The following TACR3 variants were observed in gnomAD, a reference collection of about 807,000 sequenced individuals.
TACR3 encodes the protein tachykinin receptor 3, also known as neuromedin-K receptor.
In TACR3, 34 loss-of-function variants were observed where a neutral mutation model predicts 35.0. The ratio of observed to expected loss-of-function variants is 0.97; its 90% CI spans 0.74 to 1.30. The LOEUF is 1.30. Ranked by LOEUF, TACR3 falls within the 50% of genes most tolerant of loss-of-function variation. TACR3 has a pLI of 0.00. For missense variants in TACR3, 558 were observed against 591.7 expected, an observed-to-expected ratio of 0.94 and a Z score of 0.59; for synonymous variants, 233 against 221.1, an observed-to-expected ratio of 1.05 and a Z score of -0.48.
In TACR3 at chr4:103,631,119, T is replaced by C. The variant is rs575536413; in HGVS notation, c.888+25075A>G. ...GCATGTTCTCACTCATAGGTGGGAA[T>C]TGAACGATGAGAACACTGGGACACA... On this transcript the variant is annotated intron_variant, in intron 3 of 4. Transcript: ENST00000304883. 1.2e-4 allele frequency among the ~76,000 whole-genome samples: 18 copies of C among 152,090 alleles called. No homozygotes were observed. In the South Asian group the frequency reaches 2.7e-3, roughly 23 times the overall value.
intron 1 of TACR3, among the ~76,000 whole-genome samples, chr4:103,691,682 G>A (rs184601789): frequency 4.1e-4 from 63 of 152,250 alleles, no homozygotes; most frequent in Non-Finnish European, 7.4e-4. Flanking sequence ...TGCCCAAGCT[G>A]GAAGGTTGTG....
At chr4:103,687,736 T>G (rs998784958) in intron 1 of TACR3, among the ~76,000 whole-genome samples, 10 of 152,000 alleles carry the variant, frequency 6.6e-5, no homozygotes, top group Non-Finnish European at 1.2e-4. Context: ...CACTCCTCAA[T>G]GAAATAAAAG....
chr4:103,663,909 T>C (rs530127263), intron 1 of TACR3, among the ~76,000 whole-genome samples: 18 of 152,328 alleles, frequency 1.2e-4, no homozygotes, highest in African/African-American at 3.6e-4. Context: ...TGTCAGTGCT[T>C]TATTGCTTTA....
At chr4:103,688,383 C>A (rs1234406645) in intron 1 of TACR3, among the ~76,000 whole-genome samples, 30 of 151,904 alleles carry the variant, frequency 2.0e-4, no homozygotes, top group African/African-American at 5.3e-4. Flanking sequence ...GCAACAAAAG[C>A]CAAAATTGAC....
intron 4 of TACR3, 130 bp from the exon 5 acceptor site, chr4:103,590,124 C>A: frequency 9.2e-7 from 1 of 1,081,084 alleles, no homozygotes; most frequent in Non-Finnish European, 1.4e-6. Flanking sequence ...TAGCCAGACT[C>A]TTAGAATTTA....
chr4:103,711,129 C>T (rs997508111), intron 1 of TACR3, among the ~76,000 whole-genome samples: 9 of 152,188 alleles, frequency 5.9e-5, no homozygotes, highest in African/African-American at 2.2e-4. Context: ...GGAATGCTCT[C>T]TAACTCATTT....
At chr4:103,613,248 G>C (rs548754601) in intron 3 of TACR3, among the ~76,000 whole-genome samples, 2 of 152,178 alleles carry the variant, frequency 1.3e-5, no homozygotes, top group Non-Finnish European at 2.9e-5. Flanking sequence ...AAGAATTCTA[G>C]TCCCAACCTT....
chr4:103,623,369 T>G (rs1724825903), intron 3 of TACR3, among the ~76,000 whole-genome samples: 1 of 152,102 alleles, frequency 6.6e-6, no homozygotes, highest in African/African-American at 2.4e-5. Context: ...ATAGACACCC[T>G]GGGATTTTTC....
chr4:103,597,600 C>T (rs1724065014), intron 3 of TACR3, among the ~76,000 whole-genome samples: 1 of 151,932 alleles, frequency 6.6e-6, no homozygotes. Flanking sequence ...GCTATCCCTC[C>T]CCCGTCCCCC....
chr4:103,690,446 CA>C (rs1560533021), intron 1 of TACR3, among the ~76,000 whole-genome samples: 1 of 152,030 alleles, frequency 6.6e-6, no homozygotes, highest in Non-Finnish European at 1.5e-5. Flanking sequence ...GATACAGACA[CA>C]AACATATATG....
At position 103,637,940 on chromosome 4, in the gene TACR3, G is replaced by T. The variant is rs548075014; in HGVS notation, c.888+18254C>A. On this transcript the variant is annotated intron_variant, in intron 3 of 4. Coordinates refer to ENST00000304883, the MANE Select transcript of TACR3 (RefSeq NM_001059.3). ...ACCACTGCTCAATGAAATAAAAGGG[G>T]GATACAAACAAATGGAAGAATATTC... Among the ~76,000 whole-genome samples the T allele has an allele frequency of 3.3e-5, 5 of 152,008 alleles. No homozygotes were observed. The South Asian group carries it at 8.3e-4, about 25-fold the overall frequency.
chr4:103,643,289 A>G (rs761151804), intron 3 of TACR3, among the ~76,000 whole-genome samples: 1 of 151,874 alleles, frequency 6.6e-6, no homozygotes, highest in Non-Finnish European at 1.5e-5. Flanking sequence ...CAGATATGGA[A>G]CATTTCTATC....
chr4:103,699,352 G>A (rs77923999), intron 1 of TACR3, among the ~76,000 whole-genome samples: 4,828 of 152,216 alleles, frequency 0.032, 267 homozygotes, highest in African/African-American at 0.11. Context: ...TGATGGCGGA[G>A]CACAGTGGGG....
intron 3 of TACR3, among the ~76,000 whole-genome samples, chr4:103,603,743 G>A (rs1053299463): frequency 6.6e-6 from 1 of 152,148 alleles, no homozygotes; most frequent in African/African-American, 2.4e-5. Context: ...TTGAGGAATT[G>A]CCACACTGTC....
chr4:103,619,685 T>C (rs1209452833), intron 3 of TACR3, among the ~76,000 whole-genome samples: 1 of 152,118 alleles, frequency 6.6e-6, no homozygotes, highest in Non-Finnish European at 1.5e-5. Context: ...TATTTTGAGG[T>C]GTATTCCTTT....
chr4:103,714,587 T>C (rs996911417), intron 1 of TACR3, among the ~76,000 whole-genome samples: 12 of 152,172 alleles, frequency 7.9e-5, no homozygotes, highest in Non-Finnish European at 1.6e-4. Flanking sequence ...TATGTAACAG[T>C]TGATCTTAGG....
intron 3 of TACR3, among the ~76,000 whole-genome samples, chr4:103,599,237 A>T (rs1310111465): frequency 1.3e-5 from 2 of 151,962 alleles, no homozygotes; most frequent in East Asian, 3.8e-4. Flanking sequence ...GAGTTCACTC[A>T]TGATTTGGCT....
At chr4:103,595,165 ATT>A (rs1012314850) in intron 3 of TACR3, among the ~76,000 whole-genome samples, 3 of 152,212 alleles carry the variant, frequency 2.0e-5, no homozygotes, top group Non-Finnish European at 4.4e-5. Flanking sequence ...TTACCACTGT[ATT>A]GCATGGCTGA....
intron 3 of TACR3, among the ~76,000 whole-genome samples, chr4:103,629,121 G>T (rs1397883090): frequency 6.6e-6 from 1 of 152,018 alleles, no homozygotes; most frequent in Admixed American, 6.6e-5. Context: ...AATAAACTAG[G>T]TATTGATGGA....
Sources: allele counts gnomAD v4.1 joint callset (sites outside exome capture counted in the v4.1 genomes callset), GRCh38; gene constraint gnomAD v4.1.1; transcripts MANE v1.5; gene names NCBI Gene and HGNC (gene_info 2026-07-23, HGNC 2026-07-21).